NAP1L4: variants seen among roughly 807,000 people sequenced by gnomAD.
NAP1L4 encodes the protein nucleosome assembly protein 1-like 4.
NAP1L4 carries 15 observed loss-of-function variants against 58.2 expected under a neutral mutation model. The ratio of observed to expected loss-of-function variants is 0.26; its 90% CI spans 0.17 to 0.40. The LOEUF (loss-of-function observed/expected upper bound fraction) is 0.40, where lower values mean the gene tolerates loss of function less well. NAP1L4 is among the 10% of genes least tolerant of loss of function. The pLI is 1.00. For synonymous variants in NAP1L4, 171 were observed against 155.6 expected, an observed-to-expected ratio of 1.10 and a Z score of -0.74; for missense variants, 384 against 451.1, an observed-to-expected ratio of 0.85 and a Z score of 1.35.
intron 8 of NAP1L4, among the ~76,000 whole-genome samples, chr11:2,960,382 C>T (rs1023495062): frequency 3.3e-5 from 5 of 152,110 alleles, no homozygotes; most frequent in Admixed American, 1.3e-4. Flanking sequence ...GCTTTTCTCC[C>T]GGGAGGTGGG....
At chr11:2,952,926 G>T (rs1198449982) in intron 12 of NAP1L4, among the ~76,000 whole-genome samples, 1 of 150,496 alleles carries the variant, frequency 6.6e-6, no homozygotes, top group African/African-American at 2.5e-5. Context: ...CTAGTGTTGG[G>T]GTACGGTCTA....
Position 2,971,674 on chromosome 11 carries a change from G to T in NAP1L4, c.316-140C>A. 1 of 702,404 alleles carries T rather than the reference G, an allele frequency of 1.4e-6. No individual in the cohort carries two copies. The highest frequency in any genetic ancestry group is 2.3e-6 in the Non-Finnish European group (1 of 440,196). 43.5% of individuals were successfully genotyped at this position (702,404 alleles called of 1,614,324 possible). A position where few individuals can be genotyped will look rare whatever the true frequency, so the allele number is the denominator to read the frequency against. ...CTTATTTTAAGATTCTAAATTTTAG[G>T]GTTCAAAGAAAAATATTAAATGATT... On this transcript the variant is annotated intron_variant, in intron 5 of 15. Coordinates refer to ENST00000380542, the MANE Select transcript of NAP1L4 (RefSeq NM_005969.4). The surrounding 1 kb of genome is among the most constrained non-coding windows in gnomAD (Gnocchi z 4.2).
chr11:2,961,115 A>C (rs1846873416), intron 8 of NAP1L4, among the ~76,000 whole-genome samples: 1 of 120,338 alleles, frequency 8.3e-6, no homozygotes, highest in South Asian at 3.9e-4. Flanking sequence ...TGTAATGGTA[A>C]AACCATCAAC....
At chr11:2,979,323 G>C in intron 1 of NAP1L4, 86 bp from the exon 2 acceptor site, 1 of 1,145,006 alleles carries the variant, frequency 8.7e-7, no homozygotes, top group Non-Finnish European at 1.3e-6. Context: ...TTATCTGTGG[G>C]ATGGAGTCCA....
chr11:2,961,630 C>A (rs1484930415), intron 8 of NAP1L4, among the ~76,000 whole-genome samples: 1 of 152,050 alleles, frequency 6.6e-6, no homozygotes, highest in East Asian at 1.9e-4. Context: ...ATGGGGTGGC[C>A]CCAATAAAAC....
At chr11:2,970,064 C>A in intron 6 of NAP1L4, 130 bp from the exon 7 acceptor site, 3 of 905,878 alleles carry the variant, frequency 3.3e-6, no homozygotes, top group Non-Finnish European at 3.2e-6. Context: ...GTCTGCACCT[C>A]CAAACCACTC....
At position 2,959,863 on chromosome 11, in the gene NAP1L4, T is replaced by C; in HGVS notation, c.653A>G (p.Asn218Ser). Residue 218 changes from asparagine (N) to serine (S), a missense_variant, in exon 9 of 16, where the codon AAC becomes AGC. Asn to Ser is a conservative substitution (Grantham distance 46). Coordinates refer to ENST00000380542, the MANE Select transcript of NAP1L4 (RefSeq NM_005969.4). The surrounding 1 kb of genome is among the most constrained non-coding windows in gnomAD (Gnocchi z 4.9). Reference protein sequence around the residue: ...FHFEPNDYFTNSVLTKTYKMK... With the variant: ...FHFEPNDYFTSSVLTKTYKMK... ...CTTGTAGGTTTTTGTCAGGACTGAG[T>C]TGGTAAAGTAGTCGTTGGGTTCAAA... The C allele has an allele frequency of 6.2e-7, 1 of 1,614,098 alleles. No homozygotes were observed. Among genetic ancestry groups the C allele is most frequent in the Non-Finnish European group, 8.5e-7 (1 of 1,180,010 alleles).
intron 1 of NAP1L4, among the ~76,000 whole-genome samples, chr11:2,981,076 C>A (rs1300798691): frequency 1.2e-4 from 18 of 151,568 alleles, no homozygotes; most frequent in Non-Finnish European, 2.4e-4. Context: ...CAAAAACAAA[C>A]AAACAAACAA....
Position 2,946,432 on chromosome 11 carries a change from C to A in NAP1L4, c.*33-786G>T, listed in dbSNP as rs1262366193. On this transcript the variant is annotated intron_variant, in intron 15 of 15. Coordinates refer to ENST00000380542, the MANE Select transcript of NAP1L4 (RefSeq NM_005969.4). The surrounding 1 kb of genome is among the most constrained non-coding windows in gnomAD (Gnocchi z 4.8). ...CTCCATGAATTTGTGTGGAGGCCAA[C>A]AATAGCCTAAGAAATACATCACGAT... 6.6e-6 allele frequency among the ~76,000 whole-genome samples: 1 copy of A among 152,194 alleles called. No individual in the cohort carries two copies. The highest frequency in any genetic ancestry group is 1.5e-5 in the Non-Finnish European group (1 of 68,032).
rs769143464 is a variant in NAP1L4 at position 2,972,135 on chromosome 11, C to T, written c.282G>A (p.Lys94=). Residue 94 remains lysine (K), a synonymous_variant, in exon 5 of 16, where the codon AAG becomes AAA. Coordinates refer to ENST00000380542, the MANE Select transcript of NAP1L4 (RefSeq NM_005969.4). The part of the protein sequence containing the change: ...FYEEVHDLER[K]YAALYQPLFD... Reference sequence around the variant, plus strand: ...AGAGAGGCTGGTATAGCGCTGCATACTTTCTTTCCAAGTCATGTACCTCTT... The same window carrying T: ...AGAGAGGCTGGTATAGCGCTGCATATTTTCTTTCCAAGTCATGTACCTCTT... The T allele has an allele frequency of 6.2e-7, 1 of 1,600,726 alleles. No individual in the cohort carries two copies. Among genetic ancestry groups the T allele is most frequent in the South Asian group, 1.1e-5 (1 of 88,484 alleles).
Position 2,948,188 on chromosome 11 carries a change from C to T in NAP1L4, c.*32+1039G>A, listed in dbSNP as rs1199017776. On this transcript the variant is annotated intron_variant, in intron 15 of 15. Coordinates refer to ENST00000380542, the MANE Select transcript of NAP1L4 (RefSeq NM_005969.4). This position sits in a 1 kb window ranked among gnomAD's most constrained non-coding sequence, Gnocchi z 5.1. ...ATACAGCCATATTCTGAAACCTGGCCCTGGAAAACAAAATCGTTCCAAGAG... is the reference window on the plus strand; with the variant it reads ...ATACAGCCATATTCTGAAACCTGGCTCTGGAAAACAAAATCGTTCCAAGAG... 6.6e-6 allele frequency among the ~76,000 whole-genome samples: 1 copy of T among 152,098 alleles called. No individual in the cohort carries two copies. Among genetic ancestry groups the T allele is most frequent in the Non-Finnish European group, 1.5e-5 (1 of 68,016 alleles).
chr11:2,989,688 G>A (rs1157062235), intron 1 of NAP1L4, among the ~76,000 whole-genome samples: 1 of 152,180 alleles, frequency 6.6e-6, no homozygotes, highest in Non-Finnish European at 1.5e-5. Flanking sequence ...ACTTAGCTGC[G>A]AATAGCTAAC....
Position 2,948,227 on chromosome 11 carries a change from A to G in NAP1L4, c.*32+1000T>C, listed in dbSNP as rs117406935. ...TCGTTCCAAGAGCTGCATCCGCCCT[A>G]TGTACCATCAGTTTCCCATGAAAGC... On this transcript the variant is annotated intron_variant, in intron 15 of 15. Transcript: ENST00000380542. This position sits in a 1 kb window ranked among gnomAD's most constrained non-coding sequence, Gnocchi z 5.1. Among the ~76,000 whole-genome samples the G allele has an allele frequency of 3.0e-3, 458 of 152,306 alleles. 2 individuals carry two copies. The highest frequency in any genetic ancestry group is 5.0e-3 in the Admixed American group (77 of 15,298).
chr11:2,945,752 A>C, intron 15 of NAP1L4, 106 bp from the exon 16 acceptor site: 1 of 890,792 alleles, frequency 1.1e-6, no homozygotes, highest in South Asian at 1.8e-5. Flanking sequence ...ATTCTCATTG[A>C]AAAAAATGGT....
At chr11:2,988,371 C>T (rs556581339) in intron 1 of NAP1L4, among the ~76,000 whole-genome samples, 2 of 152,312 alleles carry the variant, frequency 1.3e-5, no homozygotes, top group South Asian at 4.1e-4. Context: ...CACCAAAGTC[C>T]CTACTCCTCT....
At chr11:2,991,130 A>G (rs913926176) in intron 1 of NAP1L4, 1 of 456,052 alleles carries the variant, frequency 2.2e-6, no homozygotes, top group African/African-American at 2.0e-5. Flanking sequence ...CTGCCAGAGG[A>G]GCGCACAGTC....
Position 2,972,156 on chromosome 11 carries a change from C to G in NAP1L4, c.261G>C (p.Glu87Asp). The G allele has an allele frequency of 1.2e-6, 2 of 1,606,504 alleles. No homozygotes were observed. Among genetic ancestry groups the G allele is most frequent in the Non-Finnish European group, 1.7e-6 (2 of 1,177,854 alleles). The change falls in exon 5 of 16, where the codon GAG becomes GAC. Residue 87 changes from glutamate (E) to aspartate (D), a missense_variant. Around this residue, in one of 3 missense-constraint regions of NAP1L4, gnomAD observed 296 missense variants for 360.8 expected, o/e 0.82. Coordinates refer to ENST00000380542, the MANE Select transcript of NAP1L4 (RefSeq NM_005969.4). The part of the protein sequence containing the change: ...CAHIEAKFYE[E>D]VHDLERKYAA... ...CATACTTTCTTTCCAAGTCATGTAC[C>G]TCTTCATAGAACTTGGCTTCTATGT... is the stretch of plus-strand genomic sequence containing the variant.
intron 1 of NAP1L4, among the ~76,000 whole-genome samples, chr11:2,979,567 G>T (rs1199164331): frequency 1.3e-5 from 2 of 152,304 alleles, no homozygotes; most frequent in East Asian, 3.9e-4. Context: ...GAGCTCAGGA[G>T]TTCGAGACCG....
At chr11:2,974,539 C>CA (rs1847837028) in intron 4 of NAP1L4, among the ~76,000 whole-genome samples, 1 of 152,128 alleles carries the variant, frequency 6.6e-6, no homozygotes, top group South Asian at 2.1e-4. Flanking sequence ...AAAATAACAT[C>CA]AAAACACCTT....
Sources: gnomAD v4.1 joint callset for allele counts (sites outside exome capture counted in the v4.1 genomes callset) on GRCh38, gnomAD v4.1.1 for gene constraint, gnomAD v4.1.1 regional missense constraint, Gnocchi (gnomAD v3.1) non-coding constraint, MANE v1.5 for transcripts, NCBI Gene and HGNC (gene_info 2026-07-23, HGNC 2026-07-21) for gene names.